RNF13: variants seen among roughly 807,000 people sequenced by gnomAD.
RNF13 encodes E3 ubiquitin-protein ligase RNF13.
Under a neutral mutation model 37.7 loss-of-function variants are expected in RNF13, and 19 were observed. The ratio of observed to expected loss-of-function variants is 0.50; its 90% CI spans 0.35 to 0.74. The LOEUF (loss-of-function observed/expected upper bound fraction) is 0.74, where lower values mean the gene tolerates loss of function less well. RNF13 is among the 30% of genes least tolerant of loss of function. RNF13 has a pLI of 0.01. For missense variants in RNF13, 375 were observed against 453.0 expected (o/e 0.83, Z 1.56); for synonymous variants, 144 against 157.8 (o/e 0.91, Z 0.65).
At chr3:149,838,673 C>G (rs1267517897) in intron 1 of RNF13, among the ~76,000 whole-genome samples, 1 of 152,204 alleles carries the variant, frequency 6.6e-6, no homozygotes, top group Non-Finnish European at 1.5e-5. Context: ...GCCCAGCAAG[C>G]CATTTTTTCC....
intron 6 of RNF13, among the ~76,000 whole-genome samples, chr3:149,906,779 G>A (rs1716455490): frequency 6.7e-6 from 1 of 150,310 alleles, no homozygotes; most frequent in South Asian, 2.1e-4. Context: ...AGCCTCCTGA[G>A]TAGCTAGGAC....
At chr3:149,960,435 C>G (rs1722282397) in intron 9 of RNF13, among the ~76,000 whole-genome samples, 1 of 151,756 alleles carries the variant, frequency 6.6e-6, no homozygotes, top group Non-Finnish European at 1.5e-5. Context: ...ACTAAAAATA[C>G]AAAAAATTAG....
intron 3 of RNF13, among the ~76,000 whole-genome samples, chr3:149,858,158 G>A (rs965500308): frequency 7.2e-5 from 11 of 152,172 alleles, no homozygotes; most frequent in African/African-American, 2.7e-4. Flanking sequence ...AGCTGAGCAG[G>A]TGCCAGTGCC....
chr3:149,912,171 G>A, intron 7 of RNF13, 88 bp downstream of exon 7: 2 of 653,812 alleles, frequency 3.1e-6, no homozygotes, highest in Non-Finnish European at 5.4e-6. Context: ...TAAACAATGT[G>A]TACATAAAAG....
chr3:149,948,026 T>A (rs1720946708), intron 8 of RNF13, among the ~76,000 whole-genome samples: 2 of 152,198 alleles, frequency 1.3e-5, no homozygotes, highest in Admixed American at 1.3e-4. Context: ...CTCGGCTCAC[T>A]GTAACCTCCA....
intron 8 of RNF13, among the ~76,000 whole-genome samples, chr3:149,952,673 C>T (rs775394602): frequency 5.9e-5 from 9 of 151,906 alleles, no homozygotes; most frequent in Admixed American, 1.3e-4. Flanking sequence ...GATCTTGGCT[C>T]ATCACAACCT....
At chr3:149,835,332 A>T (rs1168013721) in intron 1 of RNF13, among the ~76,000 whole-genome samples, 2 of 152,168 alleles carry the variant, frequency 1.3e-5, no homozygotes, top group Non-Finnish European at 2.9e-5. Flanking sequence ...TTTGGGGAAC[A>T]GGTGGTATTT....
chr3:149,887,809 T>C (rs1013781670), intron 4 of RNF13, among the ~76,000 whole-genome samples: 6 of 152,224 alleles, frequency 3.9e-5, no homozygotes. Flanking sequence ...AATATCTTCA[T>C]TTTGTTGCTG....
At chr3:149,869,718 A>G (rs541519350) in intron 3 of RNF13, among the ~76,000 whole-genome samples, 2 of 151,846 alleles carry the variant, frequency 1.3e-5, no homozygotes, top group South Asian at 4.2e-4. Flanking sequence ...TTGTGGATGT[A>G]TGTCAGTGTC....
At chr3:149,886,680 C>T (rs963184972) in intron 4 of RNF13, among the ~76,000 whole-genome samples, 4 of 152,134 alleles carry the variant, frequency 2.6e-5, no homozygotes, top group Non-Finnish European at 5.9e-5. Context: ...CTTTCTGATC[C>T]TAGAGAGAAG....
At chr3:149,947,762 T>C (rs961840136) in intron 8 of RNF13, among the ~76,000 whole-genome samples, 1 of 152,188 alleles carries the variant, frequency 6.6e-6, no homozygotes, top group East Asian at 1.9e-4. Context: ...TAGATGTGTA[T>C]ATATTTATTG....
chr3:149,895,641 ATTTTCT>A (rs1715179322), intron 5 of RNF13, 81 bp downstream of exon 5: 1 of 991,468 alleles, frequency 1.0e-6, no homozygotes, highest in South Asian at 1.7e-5. Flanking sequence ...TCCTTCTCTC[ATTTTCT>A]TTTTAAAAAG....
intron 1 of RNF13, among the ~76,000 whole-genome samples, chr3:149,823,942 A>C (rs549359153): frequency 6.6e-6 from 1 of 152,326 alleles, no homozygotes; most frequent in Admixed American, 6.5e-5. Context: ...TATAAACAAC[A>C]ATATTCTCTT....
At chr3:149,871,934 C>G in intron 3 of RNF13, 95 bp from the exon 4 acceptor site, 2 of 1,113,398 alleles carry the variant, frequency 1.8e-6, no homozygotes, top group Non-Finnish European at 2.5e-6. Flanking sequence ...TAGCATAATG[C>G]AAAACACATG....
chr3:149,883,859 G>A (rs1032426357), intron 4 of RNF13, among the ~76,000 whole-genome samples: 5 of 151,928 alleles, frequency 3.3e-5, no homozygotes, highest in South Asian at 2.1e-4. Context: ...TCTCTCCCCC[G>A]ACCCTCCCTG....
intron 6 of RNF13, among the ~76,000 whole-genome samples, chr3:149,906,645 C>CTTTTTTTTTTTTTTTTTTTTTTTT (rs35801459): frequency 1.3e-5 from 1 of 79,154 alleles, no homozygotes; most frequent in Non-Finnish European, 2.2e-5. Flanking sequence ...TTCAATTCTG[C>CTTTTTTTTTTTTTTTTTTTTTTTT]TTTTTTTTTT....
At chr3:149,865,151 C>G (rs1724664513) in intron 3 of RNF13, among the ~76,000 whole-genome samples, 1 of 151,624 alleles carries the variant, frequency 6.6e-6, no homozygotes, top group Non-Finnish European at 1.5e-5. Context: ...GAGTATATTT[C>G]TCCTTAACCA....
chr3:149,907,219 C>G (rs1296711719), intron 6 of RNF13, among the ~76,000 whole-genome samples: 1 of 152,070 alleles, frequency 6.6e-6, no homozygotes, highest in Non-Finnish European at 1.5e-5. Flanking sequence ...CTTTTCCTTT[C>G]CAATTCTTAT....
At chr3:149,956,934 G>T (rs1272399487) in intron 8 of RNF13, among the ~76,000 whole-genome samples, 1 of 152,132 alleles carries the variant, frequency 6.6e-6, no homozygotes, top group Non-Finnish European at 1.5e-5. Context: ...TCTCAGTTAT[G>T]AAAACCAAAA....
Sources: allele counts gnomAD v4.1 joint callset (sites outside exome capture counted in the v4.1 genomes callset), GRCh38; gene constraint gnomAD v4.1.1; transcripts MANE v1.5; gene names NCBI Gene and HGNC (gene_info 2026-07-23, HGNC 2026-07-21).